PIP4K2B: variants seen among roughly 807,000 people sequenced by gnomAD.
The protein encoded by PIP4K2B is phosphatidylinositol-5-phosphate 4-kinase type 2 beta.
In PIP4K2B, 3 loss-of-function variants were observed where a neutral mutation model predicts 42.0. The observed-to-expected ratio is 0.07, with a 90% CI of 0.03 to 0.18. PIP4K2B has a LOEUF of 0.18. Among genes scored for constraint, PIP4K2B ranks in the 10% least tolerant of loss-of-function variants. The pLI is 1.00. For missense variants in PIP4K2B, 332 were observed against 562.3 expected, an observed-to-expected ratio of 0.59 and a Z score of 4.14; for synonymous variants, 204 against 210.1, an observed-to-expected ratio of 0.97 and a Z score of 0.25.
chr17:38,769,643 C>A lies in PIP4K2B; in HGVS notation c.*48G>T, dbSNP rs771929610. The A allele has an allele frequency of 8.8e-7, 1 of 1,132,452 alleles. No individual in the cohort carries two copies. The highest frequency in any genetic ancestry group is 2.3e-5 in the East Asian group (1 of 42,752). 70.2% of individuals were successfully genotyped at this position (1,132,452 alleles called of 1,614,324 possible). On this transcript the variant is annotated 3_prime_UTR_variant, in exon 10 of 10. Transcript: ENST00000619039. ...ACACCCTTCTCCCTAACTCCCGATC[C>A]CCGACCCCATATCCAGCTCTCTGGC...
At chr17:38,781,153 C>A (rs1909689836) in intron 3 of PIP4K2B, among the ~76,000 whole-genome samples, 1 of 152,086 alleles carries the variant, frequency 6.6e-6, no homozygotes, top group South Asian at 2.1e-4. Context: ...TGCTGAAAAA[C>A]CTTCCCCAAA....
At chr17:38,775,256 GTT>G (rs1909271771) in intron 7 of PIP4K2B, among the ~76,000 whole-genome samples, 1 of 151,978 alleles carries the variant, frequency 6.6e-6, no homozygotes, top group African/African-American at 2.4e-5. Context: ...CCTAGCTTTT[GTT>G]TTGTTTTTTA....
At chr17:38,794,849 C>T (rs992013920) in intron 1 of PIP4K2B, among the ~76,000 whole-genome samples, 3 of 151,676 alleles carry the variant, frequency 2.0e-5, no homozygotes, top group Non-Finnish European at 2.9e-5. Flanking sequence ...CCTGTAATCC[C>T]ACCACTTTGG....
rs535247930 is a variant in PIP4K2B at position 38,767,970 on chromosome 17, A to G, written c.*1721T>C. ...CAGAAGGTTTCCCATCCAATCCAGCAGCCCCAGTGAAGTCCAAGAATGCCG... is the reference window on the plus strand; with the variant it reads ...CAGAAGGTTTCCCATCCAATCCAGCGGCCCCAGTGAAGTCCAAGAATGCCG... On this transcript the variant is annotated 3_prime_UTR_variant, in exon 10 of 10. Coordinates refer to ENST00000619039, the MANE Select transcript of PIP4K2B (RefSeq NM_003559.5). The G allele has an allele frequency of 2.0e-5, 3 of 152,400 alleles. No homozygotes were observed. The South Asian group carries it at 6.2e-4, about 32-fold the overall frequency. 9.4% of individuals were successfully genotyped at this position (152,400 alleles called of 1,614,324 possible).
rs1302125411 is a variant in PIP4K2B, at chr17:38,778,364, C to A, written c.663G>T (p.Thr221=). Residue 221 remains threonine (T), a synonymous_variant, in exon 6 of 10, where the codon ACG becomes ACT. Transcript: ENST00000619039. ...CCTTGTCGCTCGCTTCTCTGGCAAC[C>A]GTAGAACCCTGAAAGGATAAGAGCC... ...VHRKYDLKGS[T]VAREASDKEK... 2.5e-6 allele frequency: 4 copies of A among 1,613,926 alleles called. No individual in the cohort carries two copies. The African/African-American group carries it at 5.3e-5, about 22-fold the overall frequency.
At chr17:38,783,674 C>T (rs1171311399) in intron 3 of PIP4K2B, among the ~76,000 whole-genome samples, 1 of 152,060 alleles carries the variant, frequency 6.6e-6, no homozygotes, top group African/African-American at 2.4e-5. Flanking sequence ...GATCTCAGCT[C>T]GCTGCAACCT....
rs781038053 is a variant in PIP4K2B at position 38,770,553 on chromosome 17, G to C, written c.1067-14C>G. The C allele has an allele frequency of 6.9e-7, 1 of 1,454,798 alleles. No individual in the cohort carries two copies. The highest frequency in any genetic ancestry group is 9.6e-7 in the Non-Finnish European group (1 of 1,037,382). The allele number at this position is 1,454,798 out of a possible 1,614,324, so 90.1% of individuals were successfully genotyped here. ...TCTTGGGGGAACCTGGAGGGACAAGGAGAGCAGGGAAGAAGGAAGAGGGGG... is the reference window on the plus strand; with the variant it reads ...TCTTGGGGGAACCTGGAGGGACAAGCAGAGCAGGGAAGAAGGAAGAGGGGG... On this transcript the variant is annotated splice_polypyrimidine_tract_variant and intron_variant, in intron 8 of 9. Transcript: ENST00000619039.
chr17:38,779,608 TGCTCCCTG>T (rs1256536336), intron 4 of PIP4K2B, 79 bp from the exon 5 acceptor site: 2 of 1,337,518 alleles, frequency 1.5e-6, no homozygotes, highest in Non-Finnish European at 2.1e-6. Context: ...CAGACTAAAA[TGCTCCCTG>T]GCTCCCTGGG....
In PIP4K2B at chr17:38,769,440, A is replaced by G; in HGVS notation, c.*251T>C. The G allele has an allele frequency of 6.0e-6, 3 of 500,932 alleles. No individual in the cohort carries two copies. In the South Asian group the frequency reaches 1.1e-4, roughly 18 times the overall value. 31.0% of individuals were successfully genotyped at this position (500,932 alleles called of 1,614,324 possible). Reference sequence around the variant, plus strand: ...GAACCCCTTTTTAACCTGGGTGTCAAATGGGGAGAAAAAATCAAGGGTAAG... The same window carrying G: ...GAACCCCTTTTTAACCTGGGTGTCAGATGGGGAGAAAAAATCAAGGGTAAG... On this transcript the variant is annotated 3_prime_UTR_variant, in exon 10 of 10. Transcript: ENST00000619039.
intron 4 of PIP4K2B, 37 bp from the exon 5 acceptor site, chr17:38,779,566 C>T: frequency 6.3e-7 from 1 of 1,588,156 alleles, no homozygotes; most frequent in Non-Finnish European, 8.6e-7. Context: ...GACTAAGGAA[C>T]AGGCAGTGCC....
chr17:38,771,297 T>C (rs1388473487), intron 7 of PIP4K2B, 25 bp from the exon 8 acceptor site: 11 of 1,613,430 alleles, frequency 6.8e-6, no homozygotes, highest in South Asian at 3.3e-5. Flanking sequence ...GATGGAAAGA[T>C]GGAAGGAAGA....
At chr17:38,770,049 A>G (rs1908924298) in intron 9 of PIP4K2B, among the ~76,000 whole-genome samples, 1 of 152,208 alleles carries the variant, frequency 6.6e-6, no homozygotes, top group South Asian at 2.1e-4. Flanking sequence ...TGTGGGGGCC[A>G]CTACATGGAG....
intron 1 of PIP4K2B, among the ~76,000 whole-genome samples, chr17:38,789,356 G>C (rs72625934): frequency 6.6e-6 from 1 of 152,160 alleles, no homozygotes; most frequent in Non-Finnish European, 1.5e-5. Context: ...ATTAACCACA[G>C]ATGTCCTCTC....
At chr17:38,784,755 G>T (rs1278981130) in intron 2 of PIP4K2B, among the ~76,000 whole-genome samples, 1 of 152,132 alleles carries the variant, frequency 6.6e-6, no homozygotes, top group African/African-American at 2.4e-5. Context: ...ACTGGTATTT[G>T]TGCGATTTTC....
At chr17:38,775,927 C>T (rs1909313823) in intron 7 of PIP4K2B, 5 of 429,514 alleles carry the variant, frequency 1.2e-5, no homozygotes, top group African/African-American at 4.2e-5. Context: ...ACCCTGAAGA[C>T]ATTATGCTAA....
intron 1 of PIP4K2B, among the ~76,000 whole-genome samples, chr17:38,795,099 C>CAAAAAAAAAA (rs61707682): frequency 9.6e-5 from 4 of 41,494 alleles, no homozygotes; most frequent in African/African-American, 2.6e-4. Context: ...AACTCCATCT[C>CAAAAAAAAAA]AAAAAAAAAA....
At chr17:38,772,073 T>G (rs113389627) in intron 7 of PIP4K2B, among the ~76,000 whole-genome samples, 36 of 151,938 alleles carry the variant, frequency 2.4e-4, no homozygotes, top group African/African-American at 8.0e-4. Context: ...AGGAAAGAAA[T>G]AATGAAATGA....
chr17:38,792,761 C>G (rs1910406822), intron 1 of PIP4K2B: 1 of 152,206 alleles, frequency 6.6e-6, no homozygotes, highest in African/African-American at 2.4e-5. Flanking sequence ...ACTGCAACTC[C>G]AGAGAGGAAG....
At chr17:38,792,091 G>A (rs228241) in intron 1 of PIP4K2B, among the ~76,000 whole-genome samples, 30,275 of 150,474 alleles carry the variant, frequency 0.2, 3,214 homozygotes, top group Admixed American at 0.28. Flanking sequence ...ACCAGACTCC[G>A]TCTCAAAAAA....
Sources: allele counts gnomAD v4.1 joint callset (sites outside exome capture counted in the v4.1 genomes callset), GRCh38; gene constraint gnomAD v4.1.1; transcripts MANE v1.5; gene names NCBI Gene and HGNC (gene_info 2026-07-23, HGNC 2026-07-21).